The following APOBEC3B variants were observed in gnomAD, a reference collection of about 807,000 sequenced individuals.
The protein encoded by APOBEC3B is DNA dC->dU-editing enzyme APOBEC-3B.
In APOBEC3B, 29 loss-of-function variants were observed where a neutral mutation model predicts 53.4. The observed-to-expected ratio is 0.54, with a 90% CI of 0.40 to 0.74. The LOEUF is 0.74. Among genes scored for constraint, APOBEC3B ranks in the 30% least tolerant of loss-of-function variants. The pLI is 0.00. For missense variants in APOBEC3B, 347 were observed against 496.2 expected, an observed-to-expected ratio of 0.70 and a Z score of 2.86; for synonymous variants, 132 against 184.8, an observed-to-expected ratio of 0.71 and a Z score of 2.32.
At position 38,986,068 on chromosome 22, in the gene APOBEC3B, G is replaced by C; in HGVS notation, c.431G>C (p.Arg144Pro). The change falls in exon 3 of 8, where the codon CGC becomes CCC. Residue 144 changes from arginine (R) to proline (P), a missense_variant. Transcript: ENST00000333467. Reference sequence around the variant, plus strand: ...TGCAGGCTGAGTCAGGCAGGAGCCCGCGTGACGATCATGGACTATGAAGGT... The same window carrying C: ...TGCAGGCTGAGTCAGGCAGGAGCCCCCGTGACGATCATGGACTATGAAGGT... ...ALCRLSQAGA[R>P]VTIMDYEEFA... is the part of the protein sequence containing the mutation. 2.5e-6 allele frequency: 4 copies of C among 1,592,454 alleles called. No homozygotes were observed. The highest frequency in any genetic ancestry group is 3.4e-6 in the Non-Finnish European group (4 of 1,172,518).
intron 4 of APOBEC3B, among the ~76,000 whole-genome samples, chr22:38,988,688 T>TTCTCC (rs1245416199): frequency 7.9e-4 from 1 of 1,260 alleles, no homozygotes; most frequent in African/African-American, 5.4e-3. Flanking sequence ...TCTTTCTCTT[T>TTCTCC]CTTTCTTTCT....
chr22:38,987,577 T>G (rs1299750190), intron 4 of APOBEC3B, among the ~76,000 whole-genome samples: 1 of 148,532 alleles, frequency 6.7e-6, no homozygotes, highest in Non-Finnish European at 1.5e-5. Context: ...TTGATGGAAT[T>G]TCTGTAAGAT....
chr22:38,988,671 C>CTT (rs1923837172), intron 4 of APOBEC3B, among the ~76,000 whole-genome samples: 2 of 10,172 alleles, frequency 2.0e-4, no homozygotes, highest in Non-Finnish European at 3.4e-4. Context: ...CTTCCTCTCT[C>CTT]TTTCTCTCTT....
chr22:38,992,074 A>T lies in APOBEC3B; in HGVS notation c.1059A>T (p.Gly353=). Residue 353 remains glycine, a synonymous_variant, in exon 7 of 8, where the codon GGA becomes GGT. Coordinates refer to ENST00000333467, the MANE Select transcript of APOBEC3B (RefSeq NM_004900.5). ...GGGACACCTTTGTGTACCGCCAGGG[A>T]TGTCCCTTCCAGCCCTGGGATGGAC... The part of the protein sequence containing the change: ...YCWDTFVYRQ[G]CPFQPWDGLE... 1 of 1,591,662 alleles carries T rather than the reference A, an allele frequency of 6.3e-7. No homozygotes were observed. Among genetic ancestry groups the T allele is most frequent in the African/African-American group, 1.3e-5 (1 of 74,408 alleles).
intron 7 of APOBEC3B, 129 bp from the exon 8 acceptor site, chr22:38,992,302 C>G: frequency 6.5e-7 from 1 of 1,534,998 alleles, no homozygotes; most frequent in Non-Finnish European, 8.8e-7. Context: ...TTCTCACAGC[C>G]TCCTTCTCTT....
rs548253802 is a variant in APOBEC3B, at chr22:38,986,476, C to T, written c.569+64C>T. Reference sequence around the variant, plus strand: ...CACCTGCTCATCCTCCTGAGGCCTCCGTTGGCCTGGCCCTCCCGCCCTCCC... The same window carrying T: ...CACCTGCTCATCCTCCTGAGGCCTCTGTTGGCCTGGCCCTCCCGCCCTCCC... On this transcript the variant is annotated intron_variant, in intron 4 of 7. Coordinates refer to ENST00000333467, the MANE Select transcript of APOBEC3B (RefSeq NM_004900.5). The T allele has an allele frequency of 4.0e-5, 62 of 1,547,122 alleles. 6 individuals carry two copies. The highest frequency in any genetic ancestry group is 1.3e-4 in the Admixed American group (7 of 53,386).
rs983365412 is a variant in APOBEC3B, at chr22:38,986,949, T to G, written c.569+537T>G. Among the ~76,000 whole-genome samples, 24 of 139,262 alleles carry G rather than the reference T, an allele frequency of 1.7e-4. 3 individuals carry two copies. The highest frequency in any genetic ancestry group is 3.7e-4 in the Admixed American group (5 of 13,542). The allele number at this position is 139,262 out of a possible 152,430, so 91.4% of individuals were successfully genotyped here. A position where few individuals can be genotyped will look rare whatever the true frequency, so the allele number is the denominator to read the frequency against. On this transcript the variant is annotated intron_variant, in intron 4 of 7. Transcript: ENST00000333467. Reference sequence around the variant, plus strand: ...GCTGGGTGGCTGGGGACGGGGGGGGTCCCTGGGATGATTCCTGAGGGCAGG... The same window carrying G: ...GCTGGGTGGCTGGGGACGGGGGGGGGCCCTGGGATGATTCCTGAGGGCAGG...
intron 5 of APOBEC3B, among the ~76,000 whole-genome samples, chr22:38,990,306 T>C (rs1340025491): frequency 6.8e-6 from 1 of 147,512 alleles, no homozygotes; most frequent in African/African-American, 2.5e-5. Context: ...CTTTCAAGGG[T>C]GCCAGTCTCC....
intron 4 of APOBEC3B, among the ~76,000 whole-genome samples, chr22:38,988,699 T>TTCTTTCTTTCTTTCTTTCTTTCTA (rs1923853032): frequency 1.1e-5 from 1 of 94,960 alleles, no homozygotes; most frequent in East Asian, 5.2e-4. Flanking sequence ...CTTTCTTTCT[T>TTCTTTCTTTCTTTCTTTCTTTCTA]TCTTTCTTTC....
Position 38,992,137 on chromosome 22 carries a change from G to T in APOBEC3B, c.1122G>T (p.Arg374=), listed in dbSNP as rs769830596. 1.3e-6 allele frequency: 2 copies of T among 1,592,458 alleles called. No individual in the cohort carries two copies. Among genetic ancestry groups the T allele is most frequent in the Non-Finnish European group, 1.7e-6 (2 of 1,172,388 alleles). Residue 374 remains arginine, a synonymous_variant, in exon 7 of 8, where the codon CGG becomes CGT. Transcript: ENST00000333467. The part of the protein sequence containing the change: ...EHSQALSGRL[R]AILQNQGN ...GCCAAGCCCTGAGTGGGAGGCTGCG[G>T]GCCATTCTCCAGGTGAGGGCTTCCT...
intron 5 of APOBEC3B, among the ~76,000 whole-genome samples, chr22:38,991,054 G>C (rs1203372651): frequency 6.8e-6 from 1 of 147,478 alleles, no homozygotes; most frequent in East Asian, 2.3e-4. Flanking sequence ...AGCCTGGCAG[G>C]AGAGTGCTGT....
At position 38,992,544 on chromosome 22, in the gene APOBEC3B, C is replaced by G. The variant is rs1465739591; in HGVS notation, c.*99C>G. ...ATGCAAACAGACCGTTCACCACCAT[C>G]TCCAGCTGCTCACAGACACCAGCAA... On this transcript the variant is annotated 3_prime_UTR_variant, in exon 8 of 8. Coordinates refer to ENST00000333467, the MANE Select transcript of APOBEC3B (RefSeq NM_004900.5). 44 of 1,605,926 alleles carry G rather than the reference C, an allele frequency of 2.7e-5. No individual in the cohort carries two copies. The highest frequency in any genetic ancestry group is 3.6e-5 in the Non-Finnish European group (42 of 1,173,826).
intron 1 of APOBEC3B, 98 bp from the exon 2 acceptor site, chr22:38,983,977 G>A (rs1293465265): frequency 1.4e-6 from 2 of 1,408,152 alleles, no homozygotes; most frequent in African/African-American, 1.4e-5. Flanking sequence ...GGTCGGGGAG[G>A]CCCAGGGCCA....
chr22:38,992,484 G>T lies in APOBEC3B; in HGVS notation c.*39G>T. On this transcript the variant is annotated 3_prime_UTR_variant, in exon 8 of 8. Coordinates refer to ENST00000333467, the MANE Select transcript of APOBEC3B (RefSeq NM_004900.5). ...GTCTCTAAGGAAGGCAGAGACCTGG[G>T]TTGAGCAGCAGAATAAAAGATCTTC... 1 of 1,506,500 alleles carries T rather than the reference G, an allele frequency of 6.6e-7. No individual in the cohort carries two copies. The allele number at this position is 1,506,500 out of a possible 1,614,324, so 93.3% of individuals were successfully genotyped here. A position where few individuals can be genotyped will look rare whatever the true frequency, so the allele number is the denominator to read the frequency against.
Position 38,986,048 on chromosome 22 carries a change from G to A in APOBEC3B, c.411G>A (p.Arg137=). 1 of 1,592,802 alleles carries A rather than the reference G, an allele frequency of 6.3e-7. No homozygotes were observed. The highest frequency in any genetic ancestry group is 8.5e-7 in the Non-Finnish European group (1 of 1,172,578). ...GAGATTACCGAAGGGCGCTCTGCAG[G>A]CTGAGTCAGGCAGGAGCCCGCGTGA... ...WERDYRRALC[R]LSQAGARVTI... Residue 137 remains arginine (R), a synonymous_variant, in exon 3 of 8, where the codon AGG becomes AGA. Coordinates refer to ENST00000333467, the MANE Select transcript of APOBEC3B (RefSeq NM_004900.5).
rs1224144657 is a variant in APOBEC3B at position 38,992,467 on chromosome 22, G to A, written c.*22G>A. 2.6e-6 allele frequency: 4 copies of A among 1,564,836 alleles called. No homozygotes were observed. The highest frequency in any genetic ancestry group is 1.7e-4 in the Middle Eastern group (1 of 5,936). On this transcript the variant is annotated 3_prime_UTR_variant, in exon 8 of 8. Transcript: ENST00000333467. ...CTGAAGGATGGGCCTCAGTCTCTAAGGAAGGCAGAGACCTGGGTTGAGCAG... is the reference window on the plus strand; with the variant it reads ...CTGAAGGATGGGCCTCAGTCTCTAAAGAAGGCAGAGACCTGGGTTGAGCAG...
chr22:38,992,138 G>T lies in APOBEC3B; in HGVS notation c.1123G>T (p.Ala375Ser). Residue 375 changes from alanine to serine, a missense_variant, in exon 7 of 8, where the codon GCC becomes TCC. By Grantham distance (99) the Ala-to-Ser change is moderately conservative. This residue lies in a region of APOBEC3B where 78 missense variants were observed against 103.9 expected (regional missense o/e 0.75). Coordinates refer to ENST00000333467, the MANE Select transcript of APOBEC3B (RefSeq NM_004900.5). ...HSQALSGRLR[A>S]ILQNQGN Reference sequence around the variant, plus strand: ...CCAAGCCCTGAGTGGGAGGCTGCGGGCCATTCTCCAGGTGAGGGCTTCCTC... The same window carrying T: ...CCAAGCCCTGAGTGGGAGGCTGCGGTCCATTCTCCAGGTGAGGGCTTCCTC... 1 of 1,592,536 alleles carries T rather than the reference G, an allele frequency of 6.3e-7. No homozygotes were observed. Among genetic ancestry groups the T allele is most frequent in the Non-Finnish European group, 8.5e-7 (1 of 1,172,412 alleles).
Position 38,989,754 on chromosome 22 carries a change from T to C in APOBEC3B, c.723+144T>C, listed in dbSNP as rs1923917412. On this transcript the variant is annotated intron_variant, in intron 5 of 7. Transcript: ENST00000333467. Reference sequence around the variant, plus strand: ...CAGCTGCTGCTGCTTGGCCCTGGAGTTGGGGGGAGACTTTGGCTTCAGTGA... The same window carrying C: ...CAGCTGCTGCTGCTTGGCCCTGGAGCTGGGGGGAGACTTTGGCTTCAGTGA... 9 of 913,368 alleles carry C rather than the reference T, an allele frequency of 9.9e-6. No homozygotes were observed. In the South Asian group the frequency reaches 1.5e-4, roughly 15 times the overall value. The allele number at this position is 913,368 out of a possible 1,614,324, so 56.6% of individuals were successfully genotyped here.
intron 4 of APOBEC3B, 148 bp downstream of exon 4, chr22:38,986,560 C>T: frequency 4.1e-6 from 4 of 973,538 alleles, no homozygotes; most frequent in Non-Finnish European, 5.9e-6. Context: ...CTGGTGCTCC[C>T]TCCACACTGC....
Sources: allele counts gnomAD v4.1 joint callset (sites outside exome capture counted in the v4.1 genomes callset), GRCh38; gene constraint gnomAD v4.1.1; regional missense constraint gnomAD v4.1.1; transcripts MANE v1.5; gene names NCBI Gene and HGNC (gene_info 2026-07-23, HGNC 2026-07-21).